IMMP2L: variants seen among roughly 807,000 people sequenced by gnomAD.
IMMP2L encodes mitochondrial inner membrane protease subunit 2.
In IMMP2L, 18 loss-of-function variants were observed where a neutral mutation model predicts 19.3. That is an observed-to-expected ratio of 0.93 (90% confidence interval 0.64 to 1.38). The LOEUF is 1.38. Among genes scored for constraint, IMMP2L ranks in the 40% most tolerant of loss-of-function variants. IMMP2L has a pLI of 0.00. For missense variants in IMMP2L, 233 were observed against 218.2 expected, an observed-to-expected ratio of 1.07 and a Z score of -0.43; for synonymous variants, 76 against 73.0, an observed-to-expected ratio of 1.04 and a Z score of -0.21.
At chr7:111,459,374 A>G (rs1325545133) in intron 3 of IMMP2L, among the ~76,000 whole-genome samples, 1 of 152,198 alleles carries the variant, frequency 6.6e-6, no homozygotes, top group East Asian at 1.9e-4. Flanking sequence ...TGAGTGCAGG[A>G]ATCTTGTCCC....
chr7:110,784,402 T>C (rs1769543831), intron 5 of IMMP2L, among the ~76,000 whole-genome samples: 1 of 151,916 alleles, frequency 6.6e-6, no homozygotes, highest in Admixed American at 6.6e-5. Context: ...ATTCAATTTG[T>C]AATCAAGACC....
At chr7:111,043,936 G>T (rs1196552974) in intron 3 of IMMP2L, among the ~76,000 whole-genome samples, 1 of 152,136 alleles carries the variant, frequency 6.6e-6, no homozygotes, top group Admixed American at 6.6e-5. Flanking sequence ...TTTGATAGGG[G>T]TATGTAAGAA....
chr7:111,482,503 C>T (rs1285639677), intron 3 of IMMP2L, among the ~76,000 whole-genome samples: 1 of 152,058 alleles, frequency 6.6e-6, no homozygotes, highest in East Asian at 1.9e-4. Flanking sequence ...TCTCTATAAA[C>T]TGTGGCCATT....
chr7:110,748,904 CT>C (rs1797542633), intron 5 of IMMP2L, among the ~76,000 whole-genome samples: 1 of 152,154 alleles, frequency 6.6e-6, no homozygotes, highest in Non-Finnish European at 1.5e-5. Context: ...CAAATGGGAT[CT>C]GATTAAACTA....
chr7:111,322,793 AAGCAC>A (rs1824875796), intron 3 of IMMP2L, among the ~76,000 whole-genome samples: 1 of 151,850 alleles, frequency 6.6e-6, no homozygotes, highest in African/African-American at 2.4e-5. Flanking sequence ...GTCATGGTAA[AAGCAC>A]TTCTCCAAAG....
chr7:110,698,301 G>A (rs1794021443), intron 5 of IMMP2L, among the ~76,000 whole-genome samples: 1 of 152,154 alleles, frequency 6.6e-6, no homozygotes, highest in Non-Finnish European at 1.5e-5. Flanking sequence ...ATGTATAACT[G>A]TTACCTACTG....
At chr7:111,343,523 C>T (rs750814296) in intron 3 of IMMP2L, among the ~76,000 whole-genome samples, 1 of 152,018 alleles carries the variant, frequency 6.6e-6, no homozygotes, top group Non-Finnish European at 1.5e-5. Flanking sequence ...GCTCCCGGCG[C>T]ACCCAGTGCT....
intron 5 of IMMP2L, among the ~76,000 whole-genome samples, chr7:110,849,437 T>C (rs1805985497): frequency 6.6e-6 from 1 of 152,046 alleles, no homozygotes. Context: ...CAAATATCAC[T>C]CATAGTCCCT....
chr7:110,742,065 C>T (rs571459946), intron 5 of IMMP2L, among the ~76,000 whole-genome samples: 18 of 152,228 alleles, frequency 1.2e-4, no homozygotes, highest in East Asian at 3.9e-4. Context: ...CAAGGCTAGA[C>T]GCTTAACGTA....
At chr7:111,423,785 A>G (rs1464337947) in intron 3 of IMMP2L, among the ~76,000 whole-genome samples, 2 of 151,918 alleles carry the variant, frequency 1.3e-5, no homozygotes, top group Admixed American at 6.6e-5. Flanking sequence ...AAAAGCCAGC[A>G]GAAGGCAAGA....
chr7:110,890,227 A>C (rs1286896050), intron 4 of IMMP2L, among the ~76,000 whole-genome samples: 1 of 152,144 alleles, frequency 6.6e-6, no homozygotes, highest in African/African-American at 2.4e-5. Context: ...ATGTAAAAAC[A>C]CTATCTGTGT....
At chr7:110,840,227 C>G (rs377324928) in intron 5 of IMMP2L, among the ~76,000 whole-genome samples, 15 of 152,190 alleles carry the variant, frequency 9.9e-5, no homozygotes, top group African/African-American at 2.9e-4. Context: ...GCGGTAATAG[C>G]TCCTACTATT....
chr7:110,925,844 T>C (rs768041200), intron 4 of IMMP2L, among the ~76,000 whole-genome samples: 5 of 151,892 alleles, frequency 3.3e-5, no homozygotes, highest in Non-Finnish European at 7.4e-5. Flanking sequence ...AAGGCAAAAA[T>C]AGGAGGATAT....
At chr7:111,491,234 T>C (rs974240574) in intron 2 of IMMP2L, among the ~76,000 whole-genome samples, 3 of 152,150 alleles carry the variant, frequency 2.0e-5, no homozygotes, top group African/African-American at 7.2e-5. Flanking sequence ...TATAAAAATA[T>C]GTGTTAATCT....
At chr7:111,366,417 A>G (rs891054011) in intron 3 of IMMP2L, among the ~76,000 whole-genome samples, 6 of 151,882 alleles carry the variant, frequency 4.0e-5, no homozygotes, top group Non-Finnish European at 8.8e-5. Flanking sequence ...CAAAAAAGCA[A>G]GCTGAAGAAT....
At position 111,365,133 on chromosome 7, in the gene IMMP2L, C is replaced by T. The variant is rs531189889; in HGVS notation, c.239+122105G>A. ...AAATAAGAAGGTCTTAACCTTTCTG[C>T]TGCTGAACTTTTAAAATTGAATTCA... On this transcript the variant is annotated intron_variant, in intron 3 of 5. Transcript: ENST00000405709. 1.3e-4 allele frequency among the ~76,000 whole-genome samples: 20 copies of T among 152,180 alleles called. No individual in the cohort carries two copies. In the East Asian group the frequency reaches 3.7e-3, roughly 28 times the overall value.
Position 110,727,800 on chromosome 7 carries a change from C to CTTA in IMMP2L, c.409-64082_409-64080dup, listed in dbSNP as rs1029328057. Among the ~76,000 whole-genome samples, 4 of 152,180 alleles carry CTTA rather than the reference C, an allele frequency of 2.6e-5. No individual in the cohort carries two copies. The highest frequency in any genetic ancestry group is 5.9e-5 in the Non-Finnish European group (4 of 68,022). The stretch of plus-strand genomic sequence containing the variant: ...GGGAAAGTCATGGGACTTACCTGAA[C>CTTA]TTATATCAAGGCGTAAGAAAAGAAT... On this transcript the variant is annotated intron_variant, in intron 5 of 5. Transcript: ENST00000405709. The surrounding 1 kb of genome is among the most constrained non-coding windows in gnomAD (Gnocchi z 4.3).
intron 3 of IMMP2L, among the ~76,000 whole-genome samples, chr7:111,262,488 G>A (rs1280791840): frequency 6.6e-6 from 1 of 152,000 alleles, no homozygotes; most frequent in African/African-American, 2.4e-5. Context: ...AATGGGAGTG[G>A]GGGTTGAAGA....
At chr7:111,116,583 C>A (rs1289931949) in intron 3 of IMMP2L, among the ~76,000 whole-genome samples, 3 of 152,152 alleles carry the variant, frequency 2.0e-5, no homozygotes, top group Non-Finnish European at 4.4e-5. Flanking sequence ...AGGACATTAA[C>A]AATCAACTTG....
Sources: allele counts gnomAD v4.1 joint callset (sites outside exome capture counted in the v4.1 genomes callset), GRCh38; gene constraint gnomAD v4.1.1; non-coding constraint Gnocchi (gnomAD v3.1); transcripts MANE v1.5; gene names NCBI Gene and HGNC (gene_info 2026-07-23, HGNC 2026-07-21).